The following NAALADL2 variants were observed in gnomAD, a reference collection of about 807,000 sequenced individuals.
NAALADL2 encodes the protein N-acetylated alpha-linked acidic dipeptidase like 2.
NAALADL2 carries 76 observed loss-of-function variants against 87.2 expected under a neutral mutation model. The observed-to-expected ratio is 0.87, with a 90% CI of 0.72 to 1.05. The LOEUF (loss-of-function observed/expected upper bound fraction) is 1.05, where lower values mean the gene tolerates loss of function less well. Among genes scored for constraint, NAALADL2 ranks in the 50% least tolerant of loss-of-function variants. NAALADL2 has a pLI of 0.00. For synonymous variants in NAALADL2, 354 were observed against 331.0 expected (o/e 1.07, Z -0.75); for missense variants, 1,089 against 945.8 (o/e 1.15, Z -1.99).
At chr3:174,882,569 A>G (rs551541761) in intron 1 of NAALADL2, among the ~76,000 whole-genome samples, 3 of 150,320 alleles carry the variant, frequency 2.0e-5, no homozygotes, top group Non-Finnish European at 4.5e-5. Flanking sequence ...GTATATATAC[A>G]TATGTGCTTA....
chr3:175,442,398 T>C (rs181148929), intron 5 of NAALADL2, among the ~76,000 whole-genome samples: 3 of 152,160 alleles, frequency 2.0e-5, no homozygotes, highest in Non-Finnish European at 4.4e-5. Flanking sequence ...AAGCGTGAAA[T>C]AGAATTAAGG....
At chr3:175,539,748 A>G (rs750320463) in intron 9 of NAALADL2, among the ~76,000 whole-genome samples, 1 of 152,184 alleles carries the variant, frequency 6.6e-6, no homozygotes, top group East Asian at 1.9e-4. Flanking sequence ...TGGACTGAGC[A>G]ATTTTGAGAT....
At chr3:174,728,419 G>C (rs565781700) in intron 2 of NAALADL2, among the ~76,000 whole-genome samples, 1 of 152,186 alleles carries the variant, frequency 6.6e-6, no homozygotes, top group East Asian at 1.9e-4. Context: ...ACATTGAGAA[G>C]CTGGAAATTA....
At chr3:174,699,472 C>G (rs1360058084) in intron 2 of NAALADL2, among the ~76,000 whole-genome samples, 1 of 137,598 alleles carries the variant, frequency 7.3e-6, no homozygotes, top group Non-Finnish European at 1.6e-5. Context: ...CCAGCCTGGG[C>G]AATAAGAGCA....
chr3:175,046,922 G>A (rs1212705607), intron 1 of NAALADL2, among the ~76,000 whole-genome samples: 1 of 152,142 alleles, frequency 6.6e-6, no homozygotes, highest in African/African-American at 2.4e-5. Flanking sequence ...GGAAATGTAT[G>A]TTTCACAGTT....
At chr3:175,254,012 C>T (rs937496281) in intron 3 of NAALADL2, among the ~76,000 whole-genome samples, 1 of 152,020 alleles carries the variant, frequency 6.6e-6, no homozygotes, top group African/African-American at 2.4e-5. Context: ...GTTGAAATGA[C>T]AACAAAGGAT....
chr3:175,743,524 C>G (rs1362925124), intron 12 of NAALADL2, among the ~76,000 whole-genome samples: 3 of 152,122 alleles, frequency 2.0e-5, no homozygotes, highest in African/African-American at 7.2e-5. Context: ...ACTGGATGTA[C>G]ATAAAGGATG....
intron 3 of NAALADL2, among the ~76,000 whole-genome samples, chr3:174,817,671 T>C (rs907906878): frequency 6.6e-6 from 1 of 152,188 alleles, no homozygotes; most frequent in Non-Finnish European, 1.5e-5. Flanking sequence ...TGCATGGTAA[T>C]AACATTAAAA....
At chr3:174,571,774 T>C (rs564982452) in intron 2 of NAALADL2, among the ~76,000 whole-genome samples, 12 of 152,282 alleles carry the variant, frequency 7.9e-5, no homozygotes, top group East Asian at 7.7e-4. Flanking sequence ...TAAAACACTT[T>C]ATATGTTTTA....
At chr3:174,735,507 C>T (rs1328947496) in intron 2 of NAALADL2, among the ~76,000 whole-genome samples, 1 of 152,052 alleles carries the variant, frequency 6.6e-6, no homozygotes, top group African/African-American at 2.4e-5. Flanking sequence ...CCTTTTTTCC[C>T]AAAGAGATAC....
rs1485321013 is a variant in NAALADL2 at position 175,324,204 on chromosome 3, A to T, written c.969A>T (p.Gly323=). ...CCTCATTGGAAAAGGCTGGATTTGG[A>T]GGTGTTCTTCTGTATATCGATCCTT... is the stretch of plus-strand genomic sequence containing the variant. ...KLSSLEKAGF[G]GVLLYIDPCD... is the part of the protein sequence containing the mutation. Residue 323 remains glycine (G), a synonymous_variant, in exon 5 of 14, where the codon GGA becomes GGT. Coordinates refer to ENST00000454872, the MANE Select transcript of NAALADL2 (RefSeq NM_207015.3). 2.5e-6 allele frequency: 4 copies of T among 1,613,336 alleles called. No individual in the cohort carries two copies. The highest frequency in any genetic ancestry group is 3.4e-6 in the Non-Finnish European group (4 of 1,179,584).
At chr3:174,702,186 T>C (rs1285632722) in intron 2 of NAALADL2, among the ~76,000 whole-genome samples, 1 of 152,226 alleles carries the variant, frequency 6.6e-6, no homozygotes, top group East Asian at 1.9e-4. Context: ...TGTTGATCTT[T>C]TTTATGTGCT....
At chr3:175,688,561 C>G (rs1736623917) in intron 11 of NAALADL2, among the ~76,000 whole-genome samples, 1 of 151,868 alleles carries the variant, frequency 6.6e-6, no homozygotes, top group African/African-American at 2.4e-5. Flanking sequence ...CTTTTTTTCC[C>G]TCATGGAAGG....
chr3:175,317,016 G>A (rs1759229051), intron 4 of NAALADL2, among the ~76,000 whole-genome samples: 1 of 152,208 alleles, frequency 6.6e-6, no homozygotes, highest in Non-Finnish European at 1.5e-5. Flanking sequence ...GACAGTGGAA[G>A]AGGGAGCTAA....
chr3:174,654,057 GC>G (rs1724646831), intron 2 of NAALADL2, among the ~76,000 whole-genome samples: 1 of 130,686 alleles, frequency 7.7e-6, no homozygotes, highest in Non-Finnish European at 1.6e-5. Context: ...TAATAAGATG[GC>G]TTTGTGTGTG....
At chr3:175,779,439 G>A (rs1750710805) in intron 13 of NAALADL2, among the ~76,000 whole-genome samples, 1 of 151,846 alleles carries the variant, frequency 6.6e-6, no homozygotes. Flanking sequence ...TTACTTTTTA[G>A]ATGTAATTCA....
Position 175,532,929 on chromosome 3 carries a change from G to A in NAALADL2, c.1654-43112G>A, listed in dbSNP as rs117686722. Among the ~76,000 whole-genome samples the A allele has an allele frequency of 6.5e-4, 99 of 152,306 alleles. 1 individual carries two copies. The East Asian group carries it at 0.016, about 24-fold the overall frequency. ...TTCTGGACGCTCCCAGCTGGGATGA[G>A]TAGGTCTGAAGTGACTAATCCACTC... On this transcript the variant is annotated intron_variant, in intron 9 of 13. Transcript: ENST00000454872.
intron 11 of NAALADL2, among the ~76,000 whole-genome samples, chr3:175,678,391 A>T (rs1735113626): frequency 6.6e-6 from 1 of 152,172 alleles, no homozygotes; most frequent in Non-Finnish European, 1.5e-5. Context: ...AATCCTTCAG[A>T]GTCAGCAATA....
Position 175,251,642 on chromosome 3 carries a change from G to C in NAALADL2, c.820-4769G>C, listed in dbSNP as rs150002444. ...TAAATGCGGAAAGAAGAGGTTCATT[G>C]TAGCAACAAGAATATGTGGAAAAAA... is the stretch of plus-strand genomic sequence containing the variant. On this transcript the variant is annotated intron_variant, in intron 3 of 13. Transcript: ENST00000454872. Among the ~76,000 whole-genome samples, 11 of 152,292 alleles carry C rather than the reference G, an allele frequency of 7.2e-5. No individual in the cohort carries two copies. The East Asian group carries it at 1.9e-3, about 27-fold the overall frequency.
Sources: gnomAD v4.1 joint callset for allele counts (sites outside exome capture counted in the v4.1 genomes callset) on GRCh38, gnomAD v4.1.1 for gene constraint, MANE v1.5 for transcripts, NCBI Gene and HGNC (gene_info 2026-07-23, HGNC 2026-07-21) for gene names.